The following HMBOX1 variants were observed in gnomAD, a reference collection of about 807,000 sequenced individuals.
HMBOX1 encodes homeobox containing 1.
A neutral mutation model predicts 54.5 loss-of-function variants in HMBOX1; 14 were observed. The ratio of observed to expected loss-of-function variants is 0.26; its 90% CI spans 0.17 to 0.40. The LOEUF (loss-of-function observed/expected upper bound fraction) is 0.40, where lower values mean the gene tolerates loss of function less well. Among genes scored for constraint, HMBOX1 ranks in the 10% least tolerant of loss-of-function variants. HMBOX1 has a pLI of 1.00. For missense variants in HMBOX1, 332 were observed against 514.4 expected, an observed-to-expected ratio of 0.65 and a Z score of 3.43; for synonymous variants, 160 against 181.0, an observed-to-expected ratio of 0.88 and a Z score of 0.93.
At chr8:28,982,506 G>A (rs1829511045) in intron 4 of HMBOX1, among the ~76,000 whole-genome samples, 1 of 152,072 alleles carries the variant, frequency 6.6e-6, no homozygotes, top group Non-Finnish European at 1.5e-5. Context: ...GGAGTGCAGT[G>A]GCCAGTGATC....
At chr8:28,931,163 G>A (rs1291787044) in intron 1 of HMBOX1, among the ~76,000 whole-genome samples, 1 of 152,058 alleles carries the variant, frequency 6.6e-6, no homozygotes, top group Non-Finnish European at 1.5e-5. Context: ...TTTCAGGTGA[G>A]CAGATTTAAA....
In HMBOX1 at chr8:29,038,259, G is replaced by C. The variant is rs548321403; in HGVS notation, c.852-7102G>C. 9.2e-5 allele frequency among the ~76,000 whole-genome samples: 14 copies of C among 152,106 alleles called. No homozygotes were observed. The South Asian group carries it at 2.9e-3, about 32-fold the overall frequency. ...TTGCCACTTTTCATTTTAATTCTTT[G>C]TTGTCATTGTCTGGCAAAAGATCAT... On this transcript the variant is annotated intron_variant, in intron 6 of 9. Transcript: ENST00000287701.
chr8:29,051,412 G>A lies in HMBOX1; in HGVS notation c.*257G>A. 1 of 653,572 alleles carries A rather than the reference G, an allele frequency of 1.5e-6. No individual in the cohort carries two copies. The highest frequency in any genetic ancestry group is 1.7e-5 in the South Asian group (1 of 59,950). The allele number at this position is 653,572 out of a possible 1,614,324, so 40.5% of individuals were successfully genotyped here. ...CCAGCCCCCGAGGCTAGAAAATCTT[G>A]CTGCTCCGTCTTAGCATTCCAAGAA... On this transcript the variant is annotated 3_prime_UTR_variant, in exon 10 of 10. Coordinates refer to ENST00000287701, the MANE Select transcript of HMBOX1 (RefSeq NM_001135726.3).
At position 28,896,507 on chromosome 8, in the gene HMBOX1, A is replaced by G. The variant is rs565186165; in HGVS notation, c.-58+5829A>G. The stretch of plus-strand genomic sequence containing the variant: ...ATATAGCTAAGGAGAAAGATAACCA[A>G]TTATTGGATCAGTAATTTCACTCTT... On this transcript the variant is annotated intron_variant, in intron 1 of 9. Coordinates refer to ENST00000287701, the MANE Select transcript of HMBOX1 (RefSeq NM_001135726.3). 3.4e-5 allele frequency among the ~76,000 whole-genome samples: 5 copies of G among 148,878 alleles called. No individual in the cohort carries two copies. The East Asian group carries it at 7.7e-4, about 23-fold the overall frequency.
intron 6 of HMBOX1, among the ~76,000 whole-genome samples, chr8:29,038,415 C>T (rs993875057): frequency 3.9e-5 from 6 of 151,972 alleles, no homozygotes; most frequent in Non-Finnish European, 5.9e-5. Context: ...TGCTTCTTTT[C>T]TGTTTTGTCT....
At chr8:29,041,600 T>TATG (rs1804830175) in intron 6 of HMBOX1, among the ~76,000 whole-genome samples, 1 of 152,078 alleles carries the variant, frequency 6.6e-6, no homozygotes, top group Non-Finnish European at 1.5e-5. Context: ...GCGGTGGGAT[T>TATG]CATAGGGCAA....
At chr8:28,928,927 G>A (rs1223511109) in intron 1 of HMBOX1, among the ~76,000 whole-genome samples, 1 of 152,144 alleles carries the variant, frequency 6.6e-6, no homozygotes, top group Non-Finnish European at 1.5e-5. Flanking sequence ...GGTTGCAGGG[G>A]GAGAAATGGG....
chr8:28,893,818 G>GTACACA (rs1811517835), intron 1 of HMBOX1, among the ~76,000 whole-genome samples: 1 of 152,162 alleles, frequency 6.6e-6, no homozygotes, highest in African/African-American at 2.4e-5. Flanking sequence ...TGTGTATTTT[G>GTACACA]AGTCTCCTGT....
chr8:28,931,816 C>A (rs12681865), intron 1 of HMBOX1, among the ~76,000 whole-genome samples: 1 of 152,094 alleles, frequency 6.6e-6, no homozygotes, highest in Non-Finnish European at 1.5e-5. Flanking sequence ...GCTGGGATTA[C>A]AGGCGTGAGC....
intron 5 of HMBOX1, among the ~76,000 whole-genome samples, chr8:29,011,125 G>A (rs1834168442): frequency 6.6e-6 from 1 of 152,174 alleles, no homozygotes; most frequent in Non-Finnish European, 1.5e-5. Flanking sequence ...TGTATTTAGG[G>A]AAATGGATAG....
intron 1 of HMBOX1, chr8:28,891,864 G>A (rs1811064275): frequency 6.6e-6 from 1 of 152,160 alleles, no homozygotes; most frequent in Non-Finnish European, 1.5e-5. Context: ...AGTGATTACT[G>A]TTTTTATTTA....
chr8:28,922,164 C>T (rs1286368703), intron 1 of HMBOX1, among the ~76,000 whole-genome samples: 3 of 152,178 alleles, frequency 2.0e-5, no homozygotes, highest in Non-Finnish European at 4.4e-5. Flanking sequence ...TGAACAAATA[C>T]AGACTTTTTC....
At chr8:28,895,697 T>C (rs549771507) in intron 1 of HMBOX1, among the ~76,000 whole-genome samples, 45 of 150,440 alleles carry the variant, frequency 3.0e-4, no homozygotes, top group Non-Finnish European at 6.0e-4. Flanking sequence ...ATTTTGATAA[T>C]GTATTGTATT....
chr8:28,897,904 AAGTT>A (rs1446445168), intron 1 of HMBOX1, among the ~76,000 whole-genome samples: 1 of 152,224 alleles, frequency 6.6e-6, no homozygotes, highest in African/African-American at 2.4e-5. Flanking sequence ...GCTTTAAAGG[AAGTT>A]AGTTCAAAGA....
intron 1 of HMBOX1, among the ~76,000 whole-genome samples, chr8:28,930,346 G>A (rs1419541962): frequency 6.6e-5 from 10 of 151,908 alleles, no homozygotes; most frequent in Admixed American, 6.6e-4. Context: ...TTTAACCTGG[G>A]TCCTTTTTAG....
At chr8:29,018,345 T>C (rs1409183566) in intron 5 of HMBOX1, among the ~76,000 whole-genome samples, 1 of 152,174 alleles carries the variant, frequency 6.6e-6, no homozygotes, top group East Asian at 1.9e-4. Flanking sequence ...GTTCAGGAGG[T>C]AACAGAATCT....
chr8:28,906,310 A>G (rs1479695486), intron 1 of HMBOX1, among the ~76,000 whole-genome samples: 2 of 152,210 alleles, frequency 1.3e-5, no homozygotes, highest in African/African-American at 2.4e-5. Flanking sequence ...CTTTAAGATT[A>G]TAGAAGGATA....
intron 4 of HMBOX1, among the ~76,000 whole-genome samples, chr8:28,988,960 T>A (rs1830544270): frequency 1.3e-5 from 2 of 152,150 alleles, no homozygotes; most frequent in Non-Finnish European, 2.9e-5. Context: ...GGTTCTTGCT[T>A]TTTGTGTTCT....
At chr8:29,001,682 A>G (rs1293841997) in intron 4 of HMBOX1, among the ~76,000 whole-genome samples, 6 of 152,240 alleles carry the variant, frequency 3.9e-5, no homozygotes, top group African/African-American at 1.4e-4. Context: ...AGCATGCATC[A>G]TGTACATTTA....
Sources: allele counts gnomAD v4.1 joint callset (sites outside exome capture counted in the v4.1 genomes callset), GRCh38; gene constraint gnomAD v4.1.1; transcripts MANE v1.5; gene names NCBI Gene and HGNC (gene_info 2026-07-23, HGNC 2026-07-21).